DDX46: variants seen among roughly 807,000 people sequenced by gnomAD.
DDX46 encodes probable ATP-dependent RNA helicase DDX46.
Under a neutral mutation model 134.9 loss-of-function variants are expected in DDX46, and 30 were observed. That is an observed-to-expected ratio of 0.22 (90% CI 0.17 to 0.30). The LOEUF (loss-of-function observed/expected upper bound fraction) is 0.30, where lower values mean the gene tolerates loss of function less well. Ranked by LOEUF, DDX46 falls within the 10% of genes least tolerant of loss-of-function variation. The pLI, the probability that DDX46 is intolerant of heterozygous loss-of-function variation, is 1.00. For missense variants in DDX46, 622 were observed against 1,248.7 expected (o/e 0.50, Z 7.56); for synonymous variants, 415 against 404.1 (o/e 1.03, Z -0.32).
chr5:134,813,097 A>G (rs941096221), intron 18 of DDX46, among the ~76,000 whole-genome samples: 1 of 151,886 alleles, frequency 6.6e-6, no homozygotes, highest in African/African-American at 2.4e-5. Flanking sequence ...ACGCGCCACC[A>G]TGCTTGGCTA....
At chr5:134,822,486 C>T (rs1755483662) in intron 21 of DDX46, among the ~76,000 whole-genome samples, 1 of 151,974 alleles carries the variant, frequency 6.6e-6, no homozygotes, top group Non-Finnish European at 1.5e-5. Flanking sequence ...GCCTGTGCCA[C>T]CATGCCTGGC....
chr5:134,784,255 G>C, intron 9 of DDX46, 111 bp from the exon 10 acceptor site: 1 of 1,073,126 alleles, frequency 9.3e-7, no homozygotes, highest in Non-Finnish European at 1.3e-6. Context: ...GTATTTTATT[G>C]TATGATATAT....
intron 16 of DDX46, among the ~76,000 whole-genome samples, chr5:134,808,927 A>T (rs1469143608): frequency 1.3e-5 from 2 of 152,104 alleles, no homozygotes; most frequent in Non-Finnish European, 2.9e-5. Flanking sequence ...ACTGTTTTAC[A>T]TATATAATGT....
intron 18 of DDX46, among the ~76,000 whole-genome samples, chr5:134,813,385 C>G (rs2548968): frequency 6.6e-6 from 1 of 152,120 alleles, no homozygotes; most frequent in Non-Finnish European, 1.5e-5. Flanking sequence ...CTTAGGCGCT[C>G]GTGAGATTGC....
intron 15 of DDX46, among the ~76,000 whole-genome samples, chr5:134,798,406 T>C (rs1754732367): frequency 6.6e-6 from 1 of 152,184 alleles, no homozygotes; most frequent in Admixed American, 6.5e-5. Flanking sequence ...TTACGCCATG[T>C]TGGCCAGGCT....
At chr5:134,819,790 C>T (rs1185850050) in intron 21 of DDX46, among the ~76,000 whole-genome samples, 1 of 152,108 alleles carries the variant, frequency 6.6e-6, no homozygotes, top group Non-Finnish European at 1.5e-5. Context: ...CCCACTCAGC[C>T]TCCCAAAGTG....
rs1755710230 is a variant in DDX46, at chr5:134,830,495, T to C, written c.*1789T>C. The C allele has an allele frequency of 6.6e-6, 1 of 152,162 alleles. No homozygotes were observed. The highest frequency in any genetic ancestry group is 2.4e-5 in the African/African-American group (1 of 41,444). 9.4% of individuals were successfully genotyped at this position (152,162 alleles called of 1,614,324 possible). On this transcript the variant is annotated 3_prime_UTR_variant, in exon 23 of 23. Transcript: ENST00000452510. ...TTTCATTCTTTAAATATTATTGACT[T>C]ACAGTTTAAAAATAAATAAATAAAA...
At chr5:134,769,355 A>G (rs1753685193) in intron 3 of DDX46, among the ~76,000 whole-genome samples, 1 of 113,354 alleles carries the variant, frequency 8.8e-6, no homozygotes, top group Non-Finnish European at 1.7e-5. Flanking sequence ...TTTTTGAGGC[A>G]GAATCTTGCT....
intron 15 of DDX46, among the ~76,000 whole-genome samples, chr5:134,800,779 G>GA: frequency 6.6e-6 from 1 of 152,222 alleles, no homozygotes; most frequent in African/African-American, 2.4e-5. Context: ...GGGTTCAAGC[G>GA]ATTCTCCTGC....
chr5:134,804,781 G>T, intron 15 of DDX46: 1 of 348,088 alleles, frequency 2.9e-6, no homozygotes, highest in Non-Finnish European at 5.7e-6. Flanking sequence ...TTAAAATTTA[G>T]CTCTCTGACT....
At chr5:134,776,913 CA>C (rs59477051) in intron 5 of DDX46, among the ~76,000 whole-genome samples, 13,747 of 78,092 alleles carry the variant, frequency 0.18, 710 homozygotes, top group East Asian at 0.34. Context: ...GACTCTGTCT[CA>C]AAAAAAAAAA....
intron 6 of DDX46, chr5:134,780,901 G>A (rs1754132312): frequency 3.5e-6 from 1 of 282,004 alleles, no homozygotes; most frequent in African/African-American, 2.3e-5. Flanking sequence ...TTGGTGACAT[G>A]TGCTTGTAGT....
chr5:134,794,485 G>GT (rs376192902), intron 13 of DDX46, among the ~76,000 whole-genome samples: 3 of 152,096 alleles, frequency 2.0e-5, no homozygotes, highest in Admixed American at 6.6e-5. Context: ...CTTTTTGTCT[G>GT]TTTTTGTTGC....
At chr5:134,807,022 G>T (rs572961403) in intron 15 of DDX46, among the ~76,000 whole-genome samples, 3 of 150,460 alleles carry the variant, frequency 2.0e-5, no homozygotes, top group South Asian at 4.2e-4. Flanking sequence ...TGATTCGGTA[G>T]TTTGGAGTAT....
chr5:134,790,051 C>T (rs950229217), intron 12 of DDX46: 1 of 457,410 alleles, frequency 2.2e-6, no homozygotes, highest in Non-Finnish European at 4.4e-6. Flanking sequence ...AAATAGTTAG[C>T]ACTAGAACTT....
chr5:134,796,179 ATATC>A (rs1754648064), intron 15 of DDX46, 29 bp downstream of exon 15: 2 of 1,608,676 alleles, frequency 1.2e-6, no homozygotes, highest in Admixed American at 1.7e-5. Flanking sequence ...CACACATAAA[ATATC>A]TATTAAGTAC....
chr5:134,767,057 A>G lies in DDX46; in HGVS notation c.347A>G (p.Asn116Ser). Residue 116 changes from asparagine (N) to serine (S), a missense_variant, in exon 3 of 23, where the codon AAT (asparagine) becomes AGT (serine). Asn to Ser is a conservative substitution (Grantham distance 46). Around this residue, in one of 8 missense-constraint regions of DDX46, gnomAD observed 244 missense variants for 349.3 expected, o/e 0.70. Coordinates refer to ENST00000452510, the MANE Select transcript of DDX46 (RefSeq NM_001300860.2). ...SPGNKSKKTENRSRSKEKTDG... is the reference protein window; with the variant it reads ...SPGNKSKKTESRSRSKEKTDG... Reference sequence around the variant, plus strand: ...GGAAATAAAAGCAAGAAAACTGAGAATAGGTAATGTTATCATTGGGCTGCA... The same window carrying G: ...GGAAATAAAAGCAAGAAAACTGAGAGTAGGTAATGTTATCATTGGGCTGCA... The G allele has an allele frequency of 6.2e-7, 1 of 1,612,872 alleles. No individual in the cohort carries two copies. The highest frequency in any genetic ancestry group is 8.5e-7 in the Non-Finnish European group (1 of 1,179,668).
chr5:134,771,839 A>G (rs1753782625), intron 4 of DDX46, among the ~76,000 whole-genome samples: 4 of 152,250 alleles, frequency 2.6e-5, no homozygotes, highest in Admixed American at 2.0e-4. Flanking sequence ...AAATTTTCTA[A>G]AAGAAGTTGC....
intron 2 of DDX46, among the ~76,000 whole-genome samples, chr5:134,766,249 A>G (rs1753564835): frequency 6.6e-6 from 1 of 152,154 alleles, no homozygotes; most frequent in African/African-American, 2.4e-5. Context: ...TTTTTTCACA[A>G]ACATCTTTAT....
Sources: gnomAD v4.1 joint callset for allele counts (sites outside exome capture counted in the v4.1 genomes callset) on GRCh38, gnomAD v4.1.1 for gene constraint, gnomAD v4.1.1 regional missense constraint, MANE v1.5 for transcripts, NCBI Gene and HGNC (gene_info 2026-07-23, HGNC 2026-07-21) for gene names.